VRTN: variants seen among roughly 807,000 people sequenced by gnomAD.
VRTN encodes the protein vertnin.
In VRTN, 5 loss-of-function variants were observed where a neutral mutation model predicts 18.2. The ratio of observed to expected loss-of-function variants is 0.27; its 90% CI spans 0.14 to 0.58. VRTN has a LOEUF of 0.58. VRTN is among the 20% of genes least tolerant of loss of function. The probability of loss-of-function intolerance (pLI) is 0.91; values close to 1 mark genes in which losing one functional copy is unlikely to be tolerated. For synonymous variants in VRTN, 381 were observed against 393.7 expected (o/e 0.97, Z 0.38); for missense variants, 741 against 939.4 (o/e 0.79, Z 2.76).
At chr14:74,316,876 A>T (rs2085422164) in intron 1 of VRTN, among the ~76,000 whole-genome samples, 1 of 151,814 alleles carries the variant, frequency 6.6e-6, no homozygotes, top group South Asian at 2.1e-4. Flanking sequence ...TGACCTCGTG[A>T]TCCGCCCGTC....
At chr14:74,325,090 C>G (rs571711693) in intron 1 of VRTN, among the ~76,000 whole-genome samples, 1 of 152,020 alleles carries the variant, frequency 6.6e-6, no homozygotes, top group Admixed American at 6.6e-5. Flanking sequence ...GTCAAACAGC[C>G]CTGGCTGCAG....
intron 1 of VRTN, among the ~76,000 whole-genome samples, chr14:74,307,286 G>A (rs551212410): frequency 6.6e-5 from 10 of 151,658 alleles, no homozygotes; most frequent in African/African-American, 1.7e-4. Flanking sequence ...CCGCCACCAC[G>A]CCCGGCTAAT....
At chr14:74,317,452 T>C (rs2085425313) in intron 1 of VRTN, among the ~76,000 whole-genome samples, 1 of 152,188 alleles carries the variant, frequency 6.6e-6, no homozygotes, top group Non-Finnish European at 1.5e-5. Flanking sequence ...TGCTGCAAAG[T>C]ATCCTACAAT....
At chr14:74,320,726 A>G (rs2085450733) in intron 1 of VRTN, among the ~76,000 whole-genome samples, 1 of 148,716 alleles carries the variant, frequency 6.7e-6, no homozygotes, top group African/African-American at 2.5e-5. Flanking sequence ...AGCTGGAATT[A>G]CAGGTGCCCG....
At chr14:74,309,733 G>T (rs1487127388) in intron 1 of VRTN, among the ~76,000 whole-genome samples, 1 of 152,134 alleles carries the variant, frequency 6.6e-6, no homozygotes, top group African/African-American at 2.4e-5. Flanking sequence ...AAACCCACAG[G>T]TCACTGTCTC....
chr14:74,344,339 G>C (rs2085627978), upstream of VRTN, among the ~76,000 whole-genome samples: 1 of 144,102 alleles, frequency 6.9e-6, no homozygotes, highest in South Asian at 2.2e-4. Context: ...GCTTGATCAA[G>C]GTCAAGGCTG....
intron 1 of VRTN, among the ~76,000 whole-genome samples, chr14:74,307,590 G>A (rs2085362144): frequency 6.6e-6 from 1 of 152,100 alleles, no homozygotes; most frequent in Admixed American, 6.6e-5. Context: ...GATGTAAAAT[G>A]TGATCTCAAC....
chr14:74,322,159 T>G (rs1192260926), intron 1 of VRTN, among the ~76,000 whole-genome samples: 4 of 151,970 alleles, frequency 2.6e-5, no homozygotes, highest in Admixed American at 6.6e-5. Flanking sequence ...CATATTTTTT[T>G]TTTTTTGAGA....
chr14:74,305,437 G>T, intron 1 of VRTN: 2 of 189,484 alleles, frequency 1.1e-5, no homozygotes. Context: ...CCAAATCAAA[G>T]GAACTTACTT....
At chr14:74,318,610 C>T (rs183309490) in intron 1 of VRTN, among the ~76,000 whole-genome samples, 3 of 152,086 alleles carry the variant, frequency 2.0e-5, no homozygotes, top group Admixed American at 1.3e-4. Flanking sequence ...AGGCGTTTCA[C>T]CATGCTGGCC....
intron 1 of VRTN, among the ~76,000 whole-genome samples, chr14:74,322,856 G>A (rs975507079): frequency 2.6e-5 from 4 of 152,152 alleles, no homozygotes; most frequent in Non-Finnish European, 5.9e-5. Context: ...ACTAGGGACC[G>A]GGCACGGTGG....
intron 1 of VRTN, among the ~76,000 whole-genome samples, chr14:74,304,990 G>T (rs949841618): frequency 4.6e-5 from 7 of 152,186 alleles, no homozygotes; most frequent in Admixed American, 2.6e-4. Flanking sequence ...GTATTCGGTG[G>T]CATTACTGTC....
intron 1 of VRTN, among the ~76,000 whole-genome samples, chr14:74,321,692 C>CG (rs1283491830): frequency 1.3e-5 from 2 of 151,734 alleles, no homozygotes; most frequent in Non-Finnish European, 2.9e-5. Flanking sequence ...TTAGTAGAGG[C>CG]GGGGTTTCCC....
In VRTN at chr14:74,357,725, C is replaced by T. The variant is rs749268902; in HGVS notation, c.942C>T (p.Phe314=). 2.7e-5 allele frequency: 44 copies of T among 1,613,446 alleles called. No individual in the cohort carries two copies. Among genetic ancestry groups the T allele is most frequent in the Non-Finnish European group, 8.5e-7 (1 of 1,180,044 alleles). ...QEHRQKVAAR[F]SAKHFLQDSF... is the part of the protein sequence containing the mutation. ...ACCGGCAGAAGGTTGCTGCCCGCTTCTCCGCCAAGCACTTCCTGCAGGACA... is the reference window on the plus strand; with the variant it reads ...ACCGGCAGAAGGTTGCTGCCCGCTTTTCCGCCAAGCACTTCCTGCAGGACA... The change falls in exon 2 of 2, where the codon TTC becomes TTT. Residue 314 remains phenylalanine, a synonymous_variant. Transcript: ENST00000256362. This position sits in a 1 kb window ranked among gnomAD's most constrained non-coding sequence, Gnocchi z 7.8.
At position 74,332,301 on chromosome 14, in the gene VRTN, A is replaced by ACCT. The variant is rs921900415; in HGVS notation, c.-163-5421_-163-5419dup. Among the ~76,000 whole-genome samples, 11 of 115,624 alleles carry ACCT rather than the reference A, an allele frequency of 9.5e-5. No individual in the cohort carries two copies. In the South Asian group the frequency reaches 2.0e-3, roughly 21 times the overall value. The allele number at this position is 115,624 out of a possible 152,430, so 75.9% of individuals were successfully genotyped here. On this transcript the variant is annotated intron_variant, in intron 1 of 2. Transcript: ENST00000557177. ...TTTTCTGGCCTGGCAGGACAAGTCT[A>ACCT]CCTTTCCCCCTCCGGAGGATCGACT...
rs112481247 is a variant in VRTN, at chr14:74,358,139, G to A, written c.1356G>A (p.Pro452=). 3.0e-5 allele frequency: 49 copies of A among 1,614,088 alleles called. No homozygotes were observed. Among genetic ancestry groups the A allele is most frequent in the African/African-American group, 9.3e-5 (7 of 75,050 alleles). ...TCCGGAGGAACCCCAGCTTCAAGCC[G>A]GCACCAGCCCTCTCTGCTGCTGGGA... The part of the protein sequence containing the change: ...KALRRNPSFK[P]APALSAAGTP... Residue 452 remains proline, a synonymous_variant, in exon 2 of 2, where the codon CCG becomes CCA. Coordinates refer to ENST00000256362, the MANE Select transcript of VRTN (RefSeq NM_018228.3). This position sits in a 1 kb window ranked among gnomAD's most constrained non-coding sequence, Gnocchi z 5.4.
chr14:74,345,538 G>A (rs140338283), upstream of VRTN, among the ~76,000 whole-genome samples: 6 of 151,098 alleles, frequency 4.0e-5, no homozygotes, highest in East Asian at 1.2e-3. Flanking sequence ...TTCTAGTAGA[G>A]ACAAGGTTTC....
At chr14:74,350,664 A>G (rs1373194549) in intron 1 of VRTN, among the ~76,000 whole-genome samples, 1 of 152,200 alleles carries the variant, frequency 6.6e-6, no homozygotes, top group Non-Finnish European at 1.5e-5. Flanking sequence ...TAGACTTTGT[A>G]GCTTTTAAAA....
Position 74,356,917 on chromosome 14 carries a change from C to T in VRTN, c.134C>T (p.Thr45Ile). Residue 45 changes from threonine to isoleucine, a missense_variant, in exon 2 of 2, where the codon ACC becomes ATC. This residue lies in a region of VRTN where 186 missense variants were observed against 288.3 expected (regional missense o/e 0.65). Coordinates refer to ENST00000256362, the MANE Select transcript of VRTN (RefSeq NM_018228.3). ...KQVLSSFTLP[T>I]CREGGPGLQV... is the part of the protein sequence containing the mutation. ...GTCCTGTCTTCCTTCACTCTCCCCA[C>T]CTGCCGGGAGGGAGGCCCTGGCCTC... 1 of 1,614,020 alleles carries T rather than the reference C, an allele frequency of 6.2e-7. No homozygotes were observed. Among genetic ancestry groups the T allele is most frequent in the South Asian group, 1.1e-5 (1 of 91,060 alleles).
Sources: gnomAD v4.1 joint callset for allele counts (sites outside exome capture counted in the v4.1 genomes callset) on GRCh38, gnomAD v4.1.1 for gene constraint, gnomAD v4.1.1 regional missense constraint, Gnocchi (gnomAD v3.1) non-coding constraint, MANE v1.5 for transcripts, NCBI Gene and HGNC (gene_info 2026-07-23, HGNC 2026-07-21) for gene names.